DCC: variants seen among roughly 807,000 people sequenced by gnomAD.
The protein encoded by DCC is DCC netrin 1 receptor, also known as netrin receptor DCC.
In DCC, 58 loss-of-function variants were observed where a neutral mutation model predicts 172.5. That is an observed-to-expected ratio of 0.34 (90% CI 0.27 to 0.42). DCC has a LOEUF of 0.42. DCC is among the 10% of genes least tolerant of loss of function. The pLI is 1.00. For synonymous variants in DCC, 709 were observed against 644.5 expected (o/e 1.10, Z -1.52); for missense variants, 1,740 against 1,791.0 (o/e 0.97, Z 0.51).
At chr18:52,749,268 T>C (rs2036958705) in intron 1 of DCC, among the ~76,000 whole-genome samples, 1 of 152,146 alleles carries the variant, frequency 6.6e-6, no homozygotes, top group Non-Finnish European at 1.5e-5. Context: ...ACAGAAGTTC[T>C]CACTCTGGTC....
chr18:52,541,518 C>T (rs2032445970), intron 1 of DCC, among the ~76,000 whole-genome samples: 1 of 152,064 alleles, frequency 6.6e-6, no homozygotes. Context: ...AGTATCATTA[C>T]CTTTGGAAAG....
At chr18:53,121,067 A>G (rs546966472) in intron 7 of DCC, among the ~76,000 whole-genome samples, 25 of 152,020 alleles carry the variant, frequency 1.6e-4, no homozygotes, top group Admixed American at 1.4e-3. Flanking sequence ...AAATATGTAG[A>G]TTGCTGTGAA....
At chr18:52,843,245 C>G (rs910924771) in intron 2 of DCC, among the ~76,000 whole-genome samples, 1 of 152,122 alleles carries the variant, frequency 6.6e-6, no homozygotes, top group African/African-American at 2.4e-5. Flanking sequence ...CAAGATTTTG[C>G]TAATTACTAA....
intron 1 of DCC, among the ~76,000 whole-genome samples, chr18:52,551,875 G>T (rs2032784344): frequency 6.6e-6 from 1 of 152,168 alleles, no homozygotes; most frequent in African/African-American, 2.4e-5. Flanking sequence ...GAGCAGCATT[G>T]TCTATTCCAA....
intron 1 of DCC, among the ~76,000 whole-genome samples, chr18:52,600,366 T>G: frequency 6.6e-6 from 1 of 152,212 alleles, no homozygotes; most frequent in Non-Finnish European, 1.5e-5. Context: ...CATTGGTCAT[T>G]TGCACTCTTT....
intron 24 of DCC, among the ~76,000 whole-genome samples, chr18:53,461,214 T>C (rs2145170621): frequency 6.6e-6 from 1 of 152,114 alleles, no homozygotes; most frequent in East Asian, 1.9e-4. Context: ...GCAAAAATTT[T>C]CTCCCATTTT....
intron 1 of DCC, among the ~76,000 whole-genome samples, chr18:52,356,881 C>T (rs901492674): frequency 6.6e-6 from 1 of 152,026 alleles, no homozygotes; most frequent in Non-Finnish European, 1.5e-5. Context: ...CTCCTGGGTT[C>T]AAGCAATTCT....
Position 52,340,278 on chromosome 18 carries a change from T to C in DCC, c.-510T>C. On this transcript the variant is annotated 5_prime_UTR_variant, in exon 1 of 29. Coordinates refer to ENST00000442544, the MANE Select transcript of DCC (RefSeq NM_005215.4). ...CCCCGCCTCTCCTCCCTGGGTCCCC[T>C]CGGCTCTCGGAAGAAAAACCAACAG... 5.0e-6 allele frequency: 1 copy of C among 198,140 alleles called. No homozygotes were observed. Among genetic ancestry groups the C allele is most frequent in the Non-Finnish European group, 1.1e-5 (1 of 94,966 alleles). The allele number at this position is 198,140 out of a possible 1,614,324, so 12.3% of individuals were successfully genotyped here.
intron 2 of DCC, among the ~76,000 whole-genome samples, chr18:52,831,411 A>G (rs1429745696): frequency 2.6e-5 from 4 of 152,140 alleles, no homozygotes; most frequent in Non-Finnish European, 4.4e-5. Flanking sequence ...GCGCTGGAAT[A>G]TGGGAGGGCA....
At chr18:53,310,976 C>T (rs918283889) in intron 13 of DCC, among the ~76,000 whole-genome samples, 11 of 88,630 alleles carry the variant, frequency 1.2e-4, no homozygotes, top group Admixed American at 3.1e-4. Flanking sequence ...TAAAGGTATA[C>T]TTAGAAGCAT....
At chr18:53,277,690 C>T (rs774371231) in intron 12 of DCC, among the ~76,000 whole-genome samples, 1 of 152,096 alleles carries the variant, frequency 6.6e-6, no homozygotes, top group Admixed American at 6.6e-5. Flanking sequence ...ATCCTTTGAT[C>T]ATTTGGAGAA....
At chr18:52,427,275 G>A (rs1436264805) in intron 1 of DCC, among the ~76,000 whole-genome samples, 3 of 152,078 alleles carry the variant, frequency 2.0e-5, no homozygotes, top group Non-Finnish European at 4.4e-5. Context: ...ACTGAGATCT[G>A]CTAATGTTCG....
chr18:52,970,048 A>G (rs922008270), intron 5 of DCC, among the ~76,000 whole-genome samples: 4 of 152,176 alleles, frequency 2.6e-5, no homozygotes, highest in African/African-American at 9.6e-5. Flanking sequence ...TTAATAAAGA[A>G]TTATGATTTT....
At chr18:53,185,121 G>C (rs904570221) in intron 9 of DCC, among the ~76,000 whole-genome samples, 5 of 152,106 alleles carry the variant, frequency 3.3e-5, no homozygotes, top group Admixed American at 6.6e-5. Context: ...AAAGTCTCTG[G>C]ATGTAAAAAA....
At chr18:53,485,926 A>G (rs1469098688) in intron 25 of DCC, among the ~76,000 whole-genome samples, 1 of 149,768 alleles carries the variant, frequency 6.7e-6, no homozygotes, top group Admixed American at 6.6e-5. Context: ...CTAAATAAAT[A>G]AAAATAAATT....
chr18:53,124,110 C>T (rs2043521149), intron 7 of DCC, among the ~76,000 whole-genome samples: 2 of 152,060 alleles, frequency 1.3e-5, no homozygotes, highest in South Asian at 4.1e-4. Flanking sequence ...GGTTAGTATT[C>T]TATTCCTGTA....
intron 1 of DCC, among the ~76,000 whole-genome samples, chr18:52,484,096 T>G (rs1171211757): frequency 1.3e-5 from 2 of 152,170 alleles, no homozygotes; most frequent in Non-Finnish European, 1.5e-5. Context: ...CTTAAACTTA[T>G]GTGAATGGGC....
intron 7 of DCC, among the ~76,000 whole-genome samples, chr18:53,138,276 C>G (rs990764451): frequency 2.0e-5 from 3 of 152,156 alleles, no homozygotes; most frequent in Non-Finnish European, 2.9e-5. Context: ...CTGTCAATTT[C>G]CATCTTCCTC....
intron 21 of DCC, among the ~76,000 whole-genome samples, chr18:53,428,161 A>C (rs1568125508): frequency 2.1e-5 from 1 of 47,158 alleles, no homozygotes; most frequent in African/African-American, 6.3e-5. Context: ...ATATAATATA[A>C]TAATATATAA....
Sources: allele counts gnomAD v4.1 joint callset (sites outside exome capture counted in the v4.1 genomes callset), GRCh38; gene constraint gnomAD v4.1.1; transcripts MANE v1.5; gene names NCBI Gene and HGNC (gene_info 2026-07-23, HGNC 2026-07-21).